PCNX4: variants seen among roughly 807,000 people sequenced by gnomAD.
PCNX4 encodes pecanex-like protein 4.
Under a neutral mutation model 107.2 loss-of-function variants are expected in PCNX4, and 103 were observed. The observed-to-expected ratio is 0.96, with a 90% CI of 0.82 to 1.13. The LOEUF (loss-of-function observed/expected upper bound fraction) is 1.13, where lower values mean the gene tolerates loss of function less well. Among genes scored for constraint, PCNX4 ranks in the 50% most tolerant of loss-of-function variants. The pLI, the probability that PCNX4 is intolerant of heterozygous loss-of-function variation, is 0.00. For missense variants in PCNX4, 1,528 were observed against 1,379.4 expected (o/e 1.11, Z -1.71); for synonymous variants, 541 against 481.7 (o/e 1.12, Z -1.61).
In PCNX4 at chr14:60,118,597, C is replaced by T. The variant is rs375503851; in HGVS notation, c.1847C>T (p.Thr616Ile). Residue 616 changes from threonine to isoleucine, a missense_variant, in exon 7 of 11, where the codon ACC becomes ATC. Physicochemically the swap from Thr to Ile is moderately conservative, Grantham distance 89. Coordinates refer to ENST00000406854, the MANE Select transcript of PCNX4 (RefSeq NM_001330177.2). Reference protein sequence around the residue: ...PIQSWPGAAGTTACVCADTVY... With the variant: ...PIQSWPGAAGITACVCADTVY... ...CAGAGTTGGCCAGGAGCAGCAGGCA[C>T]CACAGCCTGTGTGTGTGCAGATACA... 24 of 1,613,684 alleles carry T rather than the reference C, an allele frequency of 1.5e-5. No homozygotes were observed. The African/African-American group carries it at 2.9e-4, about 20-fold the overall frequency.
intron 8 of PCNX4, among the ~76,000 whole-genome samples, 182 bp downstream of exon 8, chr14:60,121,481 T>C (rs1895954995): frequency 6.6e-6 from 1 of 152,164 alleles, no homozygotes; most frequent in Admixed American, 6.5e-5. Context: ...CTAATGTTAA[T>C]TGTATAATAG....
chr14:60,093,677 T>A (rs189047575), intron 1 of PCNX4, among the ~76,000 whole-genome samples: 1 of 152,348 alleles, frequency 6.6e-6, no homozygotes, highest in Non-Finnish European at 1.5e-5. Context: ...TGTAGACATA[T>A]ATGTTTTTAT....
chr14:60,130,534 C>T (rs1334496019), intron 10 of PCNX4, among the ~76,000 whole-genome samples: 1 of 152,036 alleles, frequency 6.6e-6, no homozygotes, highest in Non-Finnish European at 1.5e-5. Context: ...AATGTCTACC[C>T]TTACCACTTC....
Position 60,116,011 on chromosome 14 carries a change from C to A in PCNX4, c.1529C>A (p.Thr510Lys). ...IVSTVHLISS[T>K]DIWWNRSLDT... ...TCAACAGTACACTTGATCTCCAGTA[C>A]AGACATATGGTGGAACAGAAGCCTG... The change falls in exon 6 of 11, where the codon ACA becomes AAA. Residue 510 changes from threonine (T) to lysine (K), a missense_variant. By Grantham distance (78) the Thr-to-Lys change is moderately conservative. Coordinates refer to ENST00000406854, the MANE Select transcript of PCNX4 (RefSeq NM_001330177.2). 1 of 1,612,880 alleles carries A rather than the reference C, an allele frequency of 6.2e-7. No individual in the cohort carries two copies. The highest frequency in any genetic ancestry group is 1.1e-5 in the South Asian group (1 of 90,798).
chr14:60,145,538 G>C lies in PCNX4; in HGVS notation c.*11317G>C, dbSNP rs1409440673. On this transcript the variant is annotated 3_prime_UTR_variant, in exon 11 of 11. Transcript: ENST00000406854. This position sits in a 1 kb window ranked among gnomAD's most constrained non-coding sequence, Gnocchi z 4.0. Reference sequence around the variant, plus strand: ...AAAATACAAAAATTAGCTGGGTGTGGTGGTGTGCACCTGTAATCCCAGCTA... The same window carrying C: ...AAAATACAAAAATTAGCTGGGTGTGCTGGTGTGCACCTGTAATCCCAGCTA... 1.3e-5 allele frequency: 2 copies of C among 152,296 alleles called. No homozygotes were observed. The highest frequency in any genetic ancestry group is 2.4e-5 in the African/African-American group (1 of 41,406). 9.4% of individuals were successfully genotyped at this position (152,296 alleles called of 1,614,324 possible).
chr14:60,112,097 A>C (rs1351599350), intron 2 of PCNX4, among the ~76,000 whole-genome samples: 1 of 152,178 alleles, frequency 6.6e-6, no homozygotes, highest in East Asian at 1.9e-4. Flanking sequence ...TTCCTTCCCC[A>C]TTCTTTACCT....
intron 6 of PCNX4, among the ~76,000 whole-genome samples, chr14:60,117,890 A>T (rs1355208243): frequency 1.3e-5 from 2 of 152,042 alleles, no homozygotes; most frequent in Non-Finnish European, 2.9e-5. Context: ...AATATTTTGT[A>T]GTATTGAAGC....
At chr14:60,129,629 A>AATT (rs1344294809) in intron 10 of PCNX4, among the ~76,000 whole-genome samples, 1 of 152,242 alleles carries the variant, frequency 6.6e-6, no homozygotes, top group African/African-American at 2.4e-5. Context: ...AAAGGCATAA[A>AATT]ATTATATAAA....
chr14:60,134,044 T>C lies in PCNX4; in HGVS notation c.3342T>C (p.Val1114=). The C allele has an allele frequency of 1.2e-6, 2 of 1,613,836 alleles. No homozygotes were observed. The highest frequency in any genetic ancestry group is 1.7e-6 in the Non-Finnish European group (2 of 1,179,774). The part of the protein sequence containing the change: ...IQVGKLNPEA[V]RGQWANLSWE... ...TGGGAAAGTTAAATCCTGAAGCTGT[T>C]AGAGGTCAGTGGGCCAATCTTTCAT... Residue 1114 remains valine (V), a synonymous_variant, in exon 11 of 11, where the codon GTT becomes GTC. Coordinates refer to ENST00000406854, the MANE Select transcript of PCNX4 (RefSeq NM_001330177.2).
chr14:60,135,371 G>A lies in PCNX4; in HGVS notation c.*1150G>A, dbSNP rs530261650. ...TTCAGTTAATGAATTCAAGAGATTTGTATGTTATTCTTTTTTTGGAGGTAA... is the reference window on the plus strand; with the variant it reads ...TTCAGTTAATGAATTCAAGAGATTTATATGTTATTCTTTTTTTGGAGGTAA... On this transcript the variant is annotated 3_prime_UTR_variant, in exon 11 of 11. Coordinates refer to ENST00000406854, the MANE Select transcript of PCNX4 (RefSeq NM_001330177.2). 1.3e-5 allele frequency: 2 copies of A among 151,992 alleles called. No individual in the cohort carries two copies. The highest frequency in any genetic ancestry group is 4.8e-5 in the African/African-American group (2 of 41,420). The allele number at this position is 151,992 out of a possible 1,614,324, so 9.4% of individuals were successfully genotyped here.
At position 60,134,498 on chromosome 14, in the gene PCNX4, TATC is replaced by T. The variant is rs1896212635; in HGVS notation, c.*280_*282del. The stretch of plus-strand genomic sequence containing the variant: ...AAATGTGAGAAAACTTTTGTAGAAT[TATC>T]ATATAATGAATTTTGTAATGCTTTC... On this transcript the variant is annotated 3_prime_UTR_variant, in exon 11 of 11. Transcript: ENST00000406854. 2.8e-6 allele frequency: 1 copy of T among 354,830 alleles called. No individual in the cohort carries two copies. The highest frequency in any genetic ancestry group is 5.1e-6 in the Non-Finnish European group (1 of 196,086). 22.0% of individuals were successfully genotyped at this position (354,830 alleles called of 1,614,324 possible). A position where few individuals can be genotyped will look rare whatever the true frequency, so the allele number is the denominator to read the frequency against.
rs549467103 is a variant in PCNX4 at position 60,144,399 on chromosome 14, G to C, written c.*10178G>C. 1.3e-5 allele frequency: 2 copies of C among 153,240 alleles called. No individual in the cohort carries two copies. The highest frequency in any genetic ancestry group is 3.9e-4 in the East Asian group (2 of 5,192). 9.5% of individuals were successfully genotyped at this position (153,240 alleles called of 1,614,324 possible). On this transcript the variant is annotated 3_prime_UTR_variant, in exon 11 of 11. Transcript: ENST00000406854. ...CCAAAGCAACAGTATTAAAGGATGT[G>C]GCCTTTAAGAGGTGACTGAGTAATG...
intron 1 of PCNX4, among the ~76,000 whole-genome samples, chr14:60,098,586 G>T (rs943537660): frequency 6.6e-6 from 1 of 152,098 alleles, no homozygotes; most frequent in Admixed American, 6.5e-5. Context: ...GTTGGGGAGC[G>T]GGGTGCTTAC....
At position 60,092,349 on chromosome 14, in the gene PCNX4, G is replaced by A. The variant is rs1895317311; in HGVS notation, c.-124G>A. ...ACCAACCTCCCGGCGGGAGCGCCCA[G>A]CCCGAGTTTACCTGCAAAAATGCGG... On this transcript the variant is annotated 5_prime_UTR_variant, in exon 1 of 11. Coordinates refer to ENST00000406854, the MANE Select transcript of PCNX4 (RefSeq NM_001330177.2). 1 of 152,268 alleles carries A rather than the reference G, an allele frequency of 6.6e-6. No individual in the cohort carries two copies. Among genetic ancestry groups the A allele is most frequent in the Non-Finnish European group, 1.5e-5 (1 of 68,060 alleles). 9.4% of individuals were successfully genotyped at this position (152,268 alleles called of 1,614,324 possible). A position where few individuals can be genotyped will look rare whatever the true frequency, so the allele number is the denominator to read the frequency against.
intron 10 of PCNX4, chr14:60,126,123 G>A (rs1267136777): frequency 5.7e-6 from 1 of 174,606 alleles, no homozygotes; most frequent in African/African-American, 2.4e-5. Context: ...TTGATTAAAT[G>A]GATTGTATTC....
Position 60,134,182 on chromosome 14 carries a change from G to A in PCNX4, c.3480G>A (p.Pro1160=), listed in dbSNP as rs755838382. The change falls in exon 11 of 11, where the codon CCG becomes CCA. Residue 1160 remains proline, a synonymous_variant. Coordinates refer to ENST00000406854, the MANE Select transcript of PCNX4 (RefSeq NM_001330177.2). The part of the protein sequence containing the change: ...VQAAEPPLGY[P]IYSSKPLHIH... ...CAGCAGAACCTCCCCTGGGATATCCGATTTATTCTTCAAAACCTCTCCACA... is the reference window on the plus strand; with the variant it reads ...CAGCAGAACCTCCCCTGGGATATCCAATTTATTCTTCAAAACCTCTCCACA... The A allele has an allele frequency of 6.8e-6, 11 of 1,613,482 alleles. No individual in the cohort carries two copies. The highest frequency in any genetic ancestry group is 1.6e-4 in the Middle Eastern group (1 of 6,082).
chr14:60,134,269 C>T lies in PCNX4; in HGVS notation c.*48C>T. The T allele has an allele frequency of 6.3e-7, 1 of 1,587,274 alleles. No individual in the cohort carries two copies. Among genetic ancestry groups the T allele is most frequent in the East Asian group, 2.2e-5 (1 of 44,650 alleles). ...ATCAAATGCAATGTTTTTATTTTTT[C>T]ATCCTAAAAAAGTAACTGTGATTCT... On this transcript the variant is annotated 3_prime_UTR_variant, in exon 11 of 11. Coordinates refer to ENST00000406854, the MANE Select transcript of PCNX4 (RefSeq NM_001330177.2).
At chr14:60,115,652 A>G in intron 4 of PCNX4, 67 bp from the exon 5 acceptor site, 1 of 1,439,142 alleles carries the variant, frequency 6.9e-7, no homozygotes, top group Non-Finnish European at 9.5e-7. Context: ...TGTATTTGCC[A>G]GAATAAAATA....
intron 9 of PCNX4, 70 bp downstream of exon 9, chr14:60,125,321 A>G (rs1896034642): frequency 7.4e-6 from 10 of 1,350,508 alleles, no homozygotes; most frequent in South Asian, 7.0e-5. Flanking sequence ...AATCACGTAC[A>G]AGAAGACAGT....
Sources: gnomAD v4.1 joint callset for allele counts (sites outside exome capture counted in the v4.1 genomes callset) on GRCh38, gnomAD v4.1.1 for gene constraint, Gnocchi (gnomAD v3.1) non-coding constraint, MANE v1.5 for transcripts, NCBI Gene and HGNC (gene_info 2026-07-23, HGNC 2026-07-21) for gene names.